The following IDO2 variants were observed in gnomAD, a reference collection of about 807,000 sequenced individuals.
The protein encoded by IDO2 is indoleamine 2,3-dioxygenase 2.
Under a neutral mutation model 45.1 loss-of-function variants are expected in IDO2, and 46 were observed. The ratio of observed to expected loss-of-function variants is 1.02; its 90% CI spans 0.80 to 1.30. The LOEUF (loss-of-function observed/expected upper bound fraction) is 1.30, where lower values mean the gene tolerates loss of function less well. Ranked by LOEUF, IDO2 falls within the 50% of genes most tolerant of loss-of-function variation. The pLI is 0.00. For synonymous variants in IDO2, 218 were observed against 184.9 expected, an observed-to-expected ratio of 1.18 and a Z score of -1.45; for missense variants, 544 against 491.8, an observed-to-expected ratio of 1.11 and a Z score of -1.00.
chr8:40,010,067 G>C (rs1802289218), intron 9 of IDO2, among the ~76,000 whole-genome samples: 1 of 151,968 alleles, frequency 6.6e-6, no homozygotes, highest in Non-Finnish European at 1.5e-5. Context: ...TAATACACAA[G>C]TAAATCTAAT....
intron 4 of IDO2, 147 bp downstream of exon 4, chr8:39,979,333 G>A: frequency 1.9e-6 from 1 of 530,614 alleles, no homozygotes; most frequent in Non-Finnish European, 2.9e-6. Context: ...ACGATGAAGG[G>A]CTCATTTATT....
chr8:40,014,765 A>G (rs1802360787), intron 10 of IDO2, among the ~76,000 whole-genome samples: 1 of 152,212 alleles, frequency 6.6e-6, no homozygotes, highest in Admixed American at 6.5e-5. Flanking sequence ...TTAGAAATAT[A>G]CATTTGAGTA....
At chr8:40,005,735 T>A (rs1802211250) in intron 9 of IDO2, among the ~76,000 whole-genome samples, 1 of 152,154 alleles carries the variant, frequency 6.6e-6, no homozygotes, top group African/African-American at 2.4e-5. Flanking sequence ...CTGGGGAGTG[T>A]AGTATAGAGT....
intron 2 of IDO2, among the ~76,000 whole-genome samples, chr8:39,958,525 T>C (rs1403293166): frequency 6.6e-6 from 1 of 152,250 alleles, no homozygotes; most frequent in East Asian, 1.9e-4. Flanking sequence ...ACCTCCTAAG[T>C]AGCTGGGATT....
At chr8:39,988,027 C>A (rs1033151364) in intron 7 of IDO2, 57 bp downstream of exon 7, 2 of 950,304 alleles carry the variant, frequency 2.1e-6, no homozygotes, top group South Asian at 1.5e-5. Context: ...CTTTACTTCC[C>A]ACTCAGTGCC....
chr8:40,002,373 G>A (rs1027196348), intron 8 of IDO2, among the ~76,000 whole-genome samples: 1 of 152,028 alleles, frequency 6.6e-6, no homozygotes, highest in Non-Finnish European at 1.5e-5. Flanking sequence ...CTAGCCTTGT[G>A]GTATTCCTCA....
exon 1 of IDO2, chr8:39,934,757 G>A (rs771440048): frequency 7.4e-6 from 2 of 270,142 alleles, no homozygotes; most frequent in East Asian, 1.2e-4. Context: ...CCCTAGAGAC[G>A]CTGAGGTGGT....
At chr8:39,985,313 AC>A in intron 5 of IDO2, 194 bp from the exon 6 acceptor site, 1 of 601,548 alleles carries the variant, frequency 1.7e-6, no homozygotes, top group Non-Finnish European at 3.0e-6. Flanking sequence ...ATCACATAGC[AC>A]CCCATAGTCC....
At chr8:40,006,996 C>T (rs1283979364) in intron 9 of IDO2, among the ~76,000 whole-genome samples, 1 of 152,128 alleles carries the variant, frequency 6.6e-6, no homozygotes, top group Non-Finnish European at 1.5e-5. Flanking sequence ...TTTGCTTAAA[C>T]AAATTAGCCA....
At chr8:39,941,283 G>A (rs540552980) in intron 1 of IDO2, among the ~76,000 whole-genome samples, 48 of 147,318 alleles carry the variant, frequency 3.3e-4, no homozygotes, top group Admixed American at 6.8e-4. Flanking sequence ...CAATACTCCC[G>A]GCTCTCTTTT....
chr8:39,990,148 GT>G (rs1808479358), intron 8 of IDO2, among the ~76,000 whole-genome samples: 1 of 152,192 alleles, frequency 6.6e-6, no homozygotes, highest in East Asian at 1.9e-4. Flanking sequence ...GGGATGCACA[GT>G]AATGTTGGTC....
At chr8:39,994,915 G>A (rs1169764999) in intron 8 of IDO2, among the ~76,000 whole-genome samples, 1 of 152,074 alleles carries the variant, frequency 6.6e-6, no homozygotes, top group African/African-American at 2.4e-5. Flanking sequence ...ACTATATGAT[G>A]TTATATTATC....
chr8:40,005,407 T>A (rs573031367), intron 9 of IDO2, 29 bp downstream of exon 9: 6 of 1,452,582 alleles, frequency 4.1e-6, no homozygotes, highest in African/African-American at 1.4e-5. Context: ...TTTTCCTGTG[T>A]GAAGTCTCTG....
exon 11 of IDO2, chr8:40,015,333 G>T (rs1280142623): frequency 6.2e-7 from 1 of 1,613,750 alleles, no homozygotes; most frequent in South Asian, 1.1e-5. Flanking sequence ...TTCCCTGAGG[G>T]ACTACATCCT....
chr8:39,996,818 A>G (rs1291496856), intron 8 of IDO2, among the ~76,000 whole-genome samples: 3 of 152,224 alleles, frequency 2.0e-5, no homozygotes, highest in African/African-American at 7.2e-5. Flanking sequence ...CTAGAACTAC[A>G]TTAAACTTAA....
chr8:39,978,073 T>C (rs1808288285), intron 3 of IDO2, among the ~76,000 whole-genome samples: 1 of 152,216 alleles, frequency 6.6e-6, no homozygotes. Flanking sequence ...CTGGGGATGG[T>C]GAATGAGAGC....
intron 9 of IDO2, among the ~76,000 whole-genome samples, chr8:40,007,971 G>A (rs368577412): frequency 1.3e-5 from 2 of 151,470 alleles, no homozygotes; most frequent in East Asian, 3.9e-4. Flanking sequence ...TGTCAGACAG[G>A]AGCTGCTCTC....
In IDO2 at chr8:39,985,416, C is replaced by T; in HGVS notation, c.435-92C>T. ...TGTGCATGCCTGTGGACATGTGACC[C>T]TAGAAGTTATTAATATATCTGGTTT... On this transcript the variant is annotated intron_variant, in intron 5 of 10. Coordinates refer to ENST00000502986, the Ensembl canonical transcript of IDO2. 3 of 1,142,120 alleles carry T rather than the reference C, an allele frequency of 2.6e-6. No individual in the cohort carries two copies. In the South Asian group the frequency reaches 4.0e-5, roughly 15 times the overall value. The allele number at this position is 1,142,120 out of a possible 1,614,324, so 70.7% of individuals were successfully genotyped here.
chr8:39,995,142 T>TTCC (rs1802013962), intron 8 of IDO2: 3 of 122,714 alleles, frequency 2.4e-5, no homozygotes, highest in African/African-American at 9.0e-5. Context: ...ATTCTTATTA[T>TTCC]TCTTCTTCTT....
Sources: gnomAD v4.1 joint callset for allele counts (sites outside exome capture counted in the v4.1 genomes callset) on GRCh38, gnomAD v4.1.1 for gene constraint, MANE v1.5 for transcripts, NCBI Gene and HGNC (gene_info 2026-07-23, HGNC 2026-07-21) for gene names.